Variants in AGO1 observed in about 807,000 individuals in gnomAD.
AGO1 encodes the protein protein argonaute-1.
A neutral mutation model predicts 109.2 loss-of-function variants in AGO1; 11 were observed. That is an observed-to-expected ratio of 0.10 (90% CI 0.06 to 0.17). The LOEUF is 0.17. Ranked by LOEUF, AGO1 falls within the 10% of genes least tolerant of loss-of-function variation. The pLI is 1.00. For missense variants in AGO1, 574 were observed against 1,140.3 expected (o/e 0.50, Z 7.15); for synonymous variants, 422 against 418.6 (o/e 1.01, Z -0.10).
At chr1:35,911,070 G>C (rs543022595) in intron 12 of AGO1, among the ~76,000 whole-genome samples, 17 of 148,576 alleles carry the variant, frequency 1.1e-4, no homozygotes, top group African/African-American at 4.2e-4. Context: ...TGTCTCAAAA[G>C]AAAAAAAAAA....
rs538264909 is a variant in AGO1 at position 35,904,006 on chromosome 1, A to G, written c.1397+1669A>G. On this transcript the variant is annotated intron_variant, in intron 11 of 18. Coordinates refer to ENST00000373204, the MANE Select transcript of AGO1 (RefSeq NM_012199.5). Reference sequence around the variant, plus strand: ...ACAGCTCCTGATGGATCTGGAGACTATGGGACCTGCCCTTGCTCTTCTTCC... The same window carrying G: ...ACAGCTCCTGATGGATCTGGAGACTGTGGGACCTGCCCTTGCTCTTCTTCC... 1.9e-4 allele frequency among the ~76,000 whole-genome samples: 29 copies of G among 151,742 alleles called. 1 individual carries two copies. The South Asian group carries it at 4.0e-3, about 21-fold the overall frequency.
Position 35,888,472 on chromosome 1 carries a change from C to G in AGO1, c.71C>G (p.Pro24Arg). Reference sequence around the variant, plus strand: ...CCCCTGCAGCAGGTGTTCCAGGCACCTCGCCGGCCTGGCATTGGCACTGTG... The same window carrying G: ...CCCCTGCAGCAGGTGTTCCAGGCACGTCGCCGGCCTGGCATTGGCACTGTG... ...LPPLQQVFQA[P>R]RRPGIGTVGK... The change falls in exon 2 of 19, where the codon CCT becomes CGT. Residue 24 changes from proline (P) to arginine (R), a missense_variant. Transcript: ENST00000373204. This position sits in a 1 kb window ranked among gnomAD's most constrained non-coding sequence, Gnocchi z 4.1. The G allele has an allele frequency of 6.2e-7, 1 of 1,614,210 alleles. No individual in the cohort carries two copies. Among genetic ancestry groups the G allele is most frequent in the Non-Finnish European group, 8.5e-7 (1 of 1,180,028 alleles).
chr1:35,885,624 A>G (rs2148707299), intron 1 of AGO1, among the ~76,000 whole-genome samples: 1 of 152,352 alleles, frequency 6.6e-6, no homozygotes, highest in South Asian at 2.1e-4. Context: ...GTAAAAAACA[A>G]CAACAAAAAA....
At chr1:35,890,272 CTCAGCCT>C (rs1418273754) in intron 2 of AGO1, among the ~76,000 whole-genome samples, 1 of 152,160 alleles carries the variant, frequency 6.6e-6, no homozygotes, top group African/African-American at 2.4e-5. Flanking sequence ...GTCTGCCCGC[CTCAGCCT>C]TCCAAAGTGC....
chr1:35,870,622 T>C (rs2148701875), intron 1 of AGO1, among the ~76,000 whole-genome samples: 2 of 152,312 alleles, frequency 1.3e-5, no homozygotes, highest in Admixed American at 1.3e-4. Context: ...CAGACACCTA[T>C]TATCCACCAT....
At position 35,893,992 on chromosome 1, in the gene AGO1, G is replaced by A. The variant is rs1368121747; in HGVS notation, c.650-45G>A. On this transcript the variant is annotated intron_variant, in intron 5 of 18. Transcript: ENST00000373204. The surrounding 1 kb of genome is among the most constrained non-coding windows in gnomAD (Gnocchi z 5.6). ...AAATTGCTGTGCCTCCATGTATTGT[G>A]GAAGACAGAACCTGAGCTGAGCTAT... 1.3e-6 allele frequency: 2 copies of A among 1,524,008 alleles called. No individual in the cohort carries two copies. The highest frequency in any genetic ancestry group is 1.8e-6 in the Non-Finnish European group (2 of 1,135,158). 94.4% of individuals were successfully genotyped at this position (1,524,008 alleles called of 1,614,324 possible).
rs1365802415 is a variant in AGO1, at chr1:35,883,783, G to A, written c.25+337G>A. 6.6e-6 allele frequency among the ~76,000 whole-genome samples: 1 copy of A among 152,238 alleles called. No individual in the cohort carries two copies. The highest frequency in any genetic ancestry group is 1.9e-4 in the East Asian group (1 of 5,184). On this transcript the variant is annotated intron_variant, in intron 1 of 18. Transcript: ENST00000373204. The surrounding 1 kb of genome is among the most constrained non-coding windows in gnomAD (Gnocchi z 5.4). ...GCAGGGGACGGGCTCCAGGTGTCCA[G>A]GAGAGGAGGGGGCGACACAGATGGG... is the stretch of plus-strand genomic sequence containing the variant.
At position 35,888,921 on chromosome 1, in the gene AGO1, A is replaced by G. The variant is rs1440018908; in HGVS notation, c.209+311A>G. 6.6e-6 allele frequency among the ~76,000 whole-genome samples: 1 copy of G among 152,240 alleles called. No individual in the cohort carries two copies. The highest frequency in any genetic ancestry group is 1.5e-5 in the Non-Finnish European group (1 of 68,050). ...ATTAGTTGAATGAATAAAGAGTTTT[A>G]AAGAATGAGATATGGGTATGTTTAC... On this transcript the variant is annotated intron_variant, in intron 2 of 18. Transcript: ENST00000373204. This position sits in a 1 kb window ranked among gnomAD's most constrained non-coding sequence, Gnocchi z 4.1.
intron 12 of AGO1, among the ~76,000 whole-genome samples, chr1:35,909,966 A>C (rs981385687): frequency 6.6e-6 from 1 of 152,054 alleles, no homozygotes; most frequent in Non-Finnish European, 1.5e-5. Flanking sequence ...TCGGAAAGGC[A>C]GTACTTACTC....
intron 12 of AGO1, among the ~76,000 whole-genome samples, chr1:35,909,364 A>G (rs1387369949): frequency 6.6e-6 from 1 of 152,220 alleles, no homozygotes; most frequent in African/African-American, 2.4e-5. Context: ...GCTTGGACAC[A>G]TATCTAACCT....
At chr1:35,870,369 C>T (rs1228449556) in intron 1 of AGO1, among the ~76,000 whole-genome samples, 1 of 152,040 alleles carries the variant, frequency 6.6e-6, no homozygotes, top group African/African-American at 2.4e-5. Flanking sequence ...CTGCCAGCTC[C>T]GCCTCCCAGG....
chr1:35,919,831 C>T lies in AGO1; in HGVS notation c.*224C>T, dbSNP rs1571381375. The T allele has an allele frequency of 1.8e-6, 1 of 545,312 alleles. No homozygotes were observed. The highest frequency in any genetic ancestry group is 3.0e-5 in the East Asian group (1 of 33,308). 33.8% of individuals were successfully genotyped at this position (545,312 alleles called of 1,614,324 possible). A position where few individuals can be genotyped will look rare whatever the true frequency, so the allele number is the denominator to read the frequency against. On this transcript the variant is annotated 3_prime_UTR_variant, in exon 19 of 19. Transcript: ENST00000373204. The surrounding 1 kb of genome is among the most constrained non-coding windows in gnomAD (Gnocchi z 6.6). ...TCAACCTCATGTCCCCCACCCCTCA[C>T]CCCATCTTGTCACATCTGGCCCTGA...
rs1288178038 is a variant in AGO1 at position 35,895,276 on chromosome 1, T to C, written c.1020+7T>C. The C allele has an allele frequency of 2.5e-6, 4 of 1,611,498 alleles. No individual in the cohort carries two copies. Among genetic ancestry groups the C allele is most frequent in the Admixed American group, 3.3e-5 (2 of 59,758 alleles). On this transcript the variant is annotated splice_region_variant and intron_variant, in intron 8 of 18. Coordinates refer to ENST00000373204, the MANE Select transcript of AGO1 (RefSeq NM_012199.5). The stretch of plus-strand genomic sequence containing the variant: ...TACCTACCTTCCCCTAGAGGTGAGA[T>C]TGCCAAGTAATGGCTGGGGAATAGG...
chr1:35,907,173 TC>T (rs1645537964), intron 12 of AGO1, 54 bp downstream of exon 12: 2 of 1,492,240 alleles, frequency 1.3e-6, no homozygotes, highest in Non-Finnish European at 1.8e-6. Context: ...TCAGCGTAGT[TC>T]CCTGGGGTCT....
chr1:35,895,389 A>G, intron 8 of AGO1, 120 bp downstream of exon 8: 3 of 1,152,340 alleles, frequency 2.6e-6, no homozygotes, highest in Non-Finnish European at 3.5e-6. Flanking sequence ...GGTATGAGGT[A>G]GTTCTCCTGT....
intron 1 of AGO1, among the ~76,000 whole-genome samples, chr1:35,886,872 G>GAT: frequency 6.6e-6 from 1 of 152,288 alleles, no homozygotes; most frequent in Non-Finnish European, 1.5e-5. Context: ...GACCAAGGCA[G>GAT]ATATAGTCCC....
intron 1 of AGO1, among the ~76,000 whole-genome samples, chr1:35,870,266 T>C (rs1003847567): frequency 6.6e-6 from 1 of 151,968 alleles, no homozygotes; most frequent in Non-Finnish European, 1.5e-5. Context: ...AAAAATAATA[T>C]AACATTTTTT....
chr1:35,900,659 G>A (rs917217981), intron 8 of AGO1, among the ~76,000 whole-genome samples: 8 of 152,134 alleles, frequency 5.3e-5, no homozygotes, highest in Non-Finnish European at 1.0e-4. Flanking sequence ...CCTGGGAGGT[G>A]AAGGTTGCAG....
chr1:35,883,158 C>A (rs1027024551), upstream of AGO1: 10 of 1,134,362 alleles, frequency 8.8e-6, no homozygotes, highest in Non-Finnish European at 1.1e-5. The surrounding 1 kb of genome is among the most constrained non-coding windows in gnomAD (Gnocchi z 5.4). Flanking sequence ...TCGGAGCGCC[C>A]CGCTTGACTC....
Sources: gnomAD v4.1 joint callset for allele counts (sites outside exome capture counted in the v4.1 genomes callset) on GRCh38, gnomAD v4.1.1 for gene constraint, Gnocchi (gnomAD v3.1) non-coding constraint, MANE v1.5 for transcripts, NCBI Gene and HGNC (gene_info 2026-07-23, HGNC 2026-07-21) for gene names.